Variants in PACRG observed in about 807,000 individuals in gnomAD.
PACRG encodes the protein parkin coregulated gene protein.
A neutral mutation model predicts 29.7 loss-of-function variants in PACRG; 29 were observed. The ratio of observed to expected loss-of-function variants is 0.98; its 90% confidence interval spans 0.73 to 1.33. PACRG has a LOEUF of 1.33. Ranked by LOEUF, PACRG falls within the 40% of genes most tolerant of loss-of-function variation. PACRG has a pLI of 0.00. For missense variants in PACRG, 279 were observed against 316.2 expected, an observed-to-expected ratio of 0.88 and a Z score of 0.89; for synonymous variants, 116 against 118.7, an observed-to-expected ratio of 0.98 and a Z score of 0.15.
chr6:162,764,882 T>C lies in PACRG; in HGVS notation c.156+36491T>C, dbSNP rs113565084. Among the ~76,000 whole-genome samples the C allele has an allele frequency of 1.7e-3, 258 of 152,098 alleles. 1 individual carries two copies. Among genetic ancestry groups the C allele is most frequent in the African/African-American group, 5.8e-3 (241 of 41,492 alleles). On this transcript the variant is annotated intron_variant, in intron 1 of 4. Coordinates refer to ENST00000366888, the MANE Select transcript of PACRG (RefSeq NM_001080379.2). ...CCTCAGCCTCCCTAGTAGCTGGGAT[T>C]ACAGGCACCTGCCACCACACCCGGC...
At chr6:163,256,205 A>G (rs1177774960) in intron 4 of PACRG, among the ~76,000 whole-genome samples, 3 of 152,184 alleles carry the variant, frequency 2.0e-5, no homozygotes, top group Non-Finnish European at 4.4e-5. Flanking sequence ...TCAGCTATTA[A>G]TCCTCCCCCA....
intron 4 of PACRG, among the ~76,000 whole-genome samples, chr6:163,197,956 A>G (rs1380995946): frequency 6.6e-6 from 1 of 152,188 alleles, no homozygotes; most frequent in Non-Finnish European, 1.5e-5. Flanking sequence ...ACCACTTGAA[A>G]CTTACAAGGC....
intron 1 of PACRG, among the ~76,000 whole-genome samples, chr6:162,738,878 T>C (rs74878358): frequency 1.2e-4 from 18 of 152,336 alleles, no homozygotes; most frequent in African/African-American, 4.3e-4. Flanking sequence ...GCAAATTTGT[T>C]TACCTGCTAT....
At chr6:163,296,062 G>A (rs1428871053) in intron 4 of PACRG, among the ~76,000 whole-genome samples, 4 of 152,130 alleles carry the variant, frequency 2.6e-5, no homozygotes, top group Non-Finnish European at 5.9e-5. Flanking sequence ...GCAGCCCCTG[G>A]GGGGTGTTAG....
At chr6:162,922,141 G>C (rs1007371499) in intron 2 of PACRG, among the ~76,000 whole-genome samples, 2 of 151,594 alleles carry the variant, frequency 1.3e-5, no homozygotes, top group African/African-American at 4.9e-5. Flanking sequence ...TTGCACCCGG[G>C]GTCTCTTAGG....
At chr6:162,732,997 T>C (rs143156703) in intron 1 of PACRG, among the ~76,000 whole-genome samples, 34 of 152,382 alleles carry the variant, frequency 2.2e-4, no homozygotes, top group African/African-American at 7.5e-4. Flanking sequence ...TTTGTGTTTC[T>C]GTTTATGTTG....
intron 4 of PACRG, among the ~76,000 whole-genome samples, chr6:163,177,709 G>GTTTTTTTTTTT (rs1562951194): frequency 5.4e-4 from 18 of 33,642 alleles, no homozygotes; most frequent in East Asian, 8.1e-4. Context: ...TTAGAAAAGG[G>GTTTTTTTTTTT]ATTTTTTTTT....
In PACRG at chr6:162,737,184, C is replaced by G. The variant is rs375437625; in HGVS notation, c.156+8793C>G. ...TGTGGCCTGCCTAAGGGGCTTTTGA[C>G]TTCCCGGACCTTGCCTGCTGTCTAC... On this transcript the variant is annotated intron_variant, in intron 1 of 4. Coordinates refer to ENST00000366888, the MANE Select transcript of PACRG (RefSeq NM_001080379.2). 1.2e-3 allele frequency among the ~76,000 whole-genome samples: 180 copies of G among 152,276 alleles called. 1 individual carries two copies. Among genetic ancestry groups the G allele is most frequent in the African/African-American group, 4.1e-3 (171 of 41,564 alleles).
intron 4 of PACRG, among the ~76,000 whole-genome samples, chr6:163,181,733 C>T (rs955334057): frequency 2.0e-5 from 3 of 150,312 alleles, no homozygotes; most frequent in African/African-American, 4.9e-5. Flanking sequence ...GGGGTTTTTT[C>T]TCATCATTAA....
chr6:162,958,084 C>T (rs1800204683), intron 2 of PACRG, among the ~76,000 whole-genome samples: 1 of 152,140 alleles, frequency 6.6e-6, no homozygotes, highest in South Asian at 2.1e-4. Context: ...ACATGCATCA[C>T]CTAGCCATCC....
intron 2 of PACRG, among the ~76,000 whole-genome samples, chr6:163,020,238 C>T (rs1441765189): frequency 6.6e-6 from 1 of 152,158 alleles, no homozygotes. Flanking sequence ...ATTAGCACAA[C>T]TTGTATATGA....
chr6:162,728,354 A>T lies in PACRG; in HGVS notation c.119A>T (p.Glu40Val), dbSNP rs1779441448. ...PVHQPHSLVS[E>V]GFTVKAMMKN... ...CACCAGCCTCACTCTCTGGTTTCTG[A>T]GGGTTTCACAGTCAAAGCCATGATG... The change falls in exon 1 of 5, where the codon GAG becomes GTG. Residue 40 changes from glutamate (E) to valine (V), a missense_variant. Physicochemically the swap from Glu to Val is moderately radical, Grantham distance 121. Transcript: ENST00000366888. 1 of 1,613,592 alleles carries T rather than the reference A, an allele frequency of 6.2e-7. No homozygotes were observed. Among genetic ancestry groups the T allele is most frequent in the Admixed American group, 1.7e-5 (1 of 59,992 alleles).
chr6:163,126,650 G>A (rs753103921), intron 4 of PACRG, among the ~76,000 whole-genome samples: 4 of 152,190 alleles, frequency 2.6e-5, no homozygotes, highest in Non-Finnish European at 4.4e-5. Flanking sequence ...AAAGGGCACT[G>A]CAGAGGTGAA....
At chr6:162,998,083 T>C (rs1804245144) in intron 2 of PACRG, among the ~76,000 whole-genome samples, 1 of 152,210 alleles carries the variant, frequency 6.6e-6, no homozygotes, top group South Asian at 2.1e-4. Context: ...GAAGATGAAA[T>C]GGGTTAATAT....
At chr6:163,235,935 T>TTG (rs397759396) in intron 4 of PACRG, among the ~76,000 whole-genome samples, 1 of 151,386 alleles carries the variant, frequency 6.6e-6, no homozygotes, top group East Asian at 1.9e-4. Context: ...AAAAAAGTTG[T>TTG]TTTTTTTGTT....
intron 4 of PACRG, among the ~76,000 whole-genome samples, chr6:163,171,850 C>T (rs1339597214): frequency 6.6e-6 from 1 of 152,166 alleles, no homozygotes; most frequent in East Asian, 1.9e-4. Context: ...CCTGTGGGGA[C>T]CCCTTCTGAG....
intron 3 of PACRG, among the ~76,000 whole-genome samples, chr6:163,080,852 G>A (rs964803628): frequency 6.6e-6 from 1 of 152,108 alleles, no homozygotes; most frequent in African/African-American, 2.4e-5. Flanking sequence ...TATTATATAT[G>A]TGTTGAGAGA....
chr6:163,197,275 C>G (rs1273804631), intron 4 of PACRG, among the ~76,000 whole-genome samples: 1 of 152,016 alleles, frequency 6.6e-6, no homozygotes, highest in Non-Finnish European at 1.5e-5. Context: ...TTGGTGCTTT[C>G]AGTTGCTCCA....
intron 2 of PACRG, among the ~76,000 whole-genome samples, chr6:162,940,933 G>T (rs1395046285): frequency 6.6e-6 from 1 of 152,142 alleles, no homozygotes; most frequent in Non-Finnish European, 1.5e-5. Context: ...GTTTTTAAAT[G>T]AAATTACGTG....
Sources: gnomAD v4.1 joint callset for allele counts (sites outside exome capture counted in the v4.1 genomes callset) on GRCh38, gnomAD v4.1.1 for gene constraint, MANE v1.5 for transcripts, NCBI Gene and HGNC (gene_info 2026-07-23, HGNC 2026-07-21) for gene names.